The following MDGA2 variants were observed in gnomAD, a reference collection of about 807,000 sequenced individuals.
MDGA2 encodes the protein MAM domain-containing glycosylphosphatidylinositol anchor protein 2.
Under a neutral mutation model 117.8 loss-of-function variants are expected in MDGA2, and 40 were observed. The observed-to-expected ratio is 0.34, with a 90% CI of 0.26 to 0.44. MDGA2 has a LOEUF of 0.44. Among genes scored for constraint, MDGA2 ranks in the 20% least tolerant of loss-of-function variants. MDGA2 has a pLI of 1.00. For missense variants in MDGA2, 1,123 were observed against 1,250.6 expected (o/e 0.90, Z 1.54); for synonymous variants, 452 against 439.0 (o/e 1.03, Z -0.37).
intron 1 of MDGA2, among the ~76,000 whole-genome samples, chr14:47,390,797 C>T (rs1891876938): frequency 6.6e-6 from 1 of 152,078 alleles, no homozygotes; most frequent in Admixed American, 6.6e-5. Flanking sequence ...ATTTTATTTC[C>T]CTAACATCTG....
rs1441735872 is a variant in MDGA2 at position 47,674,848 on chromosome 14, G to GAC, written c.-54_-53dup. 6.8e-6 allele frequency: 4 copies of GAC among 592,362 alleles called. No individual in the cohort carries two copies. The highest frequency in any genetic ancestry group is 5.8e-5 in the South Asian group (3 of 51,410). 36.7% of individuals were successfully genotyped at this position (592,362 alleles called of 1,614,324 possible). A position where few individuals can be genotyped will look rare whatever the true frequency, so the allele number is the denominator to read the frequency against. On this transcript the variant is annotated 5_prime_UTR_variant, in exon 1 of 17. Transcript: ENST00000399232. ...ACACTCTCCCACAACACAATACCCT[G>GAC]ACACACACTCACACGCACGCCGCAC...
intron 9 of MDGA2, among the ~76,000 whole-genome samples, chr14:46,926,942 C>A (rs971974465): frequency 2.0e-5 from 3 of 152,082 alleles, no homozygotes; most frequent in African/African-American, 7.2e-5. Flanking sequence ...TGCTGATCAA[C>A]ATGTGTCTTC....
chr14:47,559,734 A>T (rs1015058075), intron 1 of MDGA2, among the ~76,000 whole-genome samples: 2 of 151,184 alleles, frequency 1.3e-5, no homozygotes, highest in African/African-American at 2.4e-5. Context: ...CACCACGCCC[A>T]GCTAATTTTT....
chr14:47,467,061 C>A (rs1893619505), intron 1 of MDGA2, among the ~76,000 whole-genome samples: 1 of 151,990 alleles, frequency 6.6e-6, no homozygotes, highest in African/African-American at 2.4e-5. Context: ...GAAGGTGCCA[C>A]TAAGGAAGTA....
At chr14:47,132,453 T>C (rs1566642830) in intron 4 of MDGA2, among the ~76,000 whole-genome samples, 1 of 151,972 alleles carries the variant, frequency 6.6e-6, no homozygotes, top group Non-Finnish European at 1.5e-5. Context: ...TTCTTGTTAT[T>C]TCATGTTCAA....
intron 8 of MDGA2, among the ~76,000 whole-genome samples, chr14:46,962,471 C>G (rs1387709523): frequency 6.6e-6 from 1 of 152,106 alleles, no homozygotes; most frequent in East Asian, 1.9e-4. Flanking sequence ...GTTCTGCACC[C>G]CTTGCCCAAA....
chr14:47,032,772 C>T (rs1888707878), intron 8 of MDGA2, among the ~76,000 whole-genome samples: 1 of 152,102 alleles, frequency 6.6e-6, no homozygotes, highest in Non-Finnish European at 1.5e-5. Flanking sequence ...GAGTTGTTAC[C>T]AGTTATTTGT....
intron 4 of MDGA2, among the ~76,000 whole-genome samples, chr14:47,136,276 GA>G: frequency 1.3e-5 from 2 of 148,966 alleles, no homozygotes; most frequent in East Asian, 4.0e-4. Context: ...TCGGCTCGCT[GA>G]AACTCTGCCT....
intron 1 of MDGA2, among the ~76,000 whole-genome samples, chr14:47,555,379 C>G (rs947352009): frequency 6.6e-6 from 1 of 152,040 alleles, no homozygotes; most frequent in Admixed American, 6.6e-5. Flanking sequence ...ACTGATGAAA[C>G]TGGACATAGA....
intron 1 of MDGA2, among the ~76,000 whole-genome samples, chr14:47,544,509 C>T (rs1448723785): frequency 2.6e-5 from 4 of 152,126 alleles, no homozygotes; most frequent in Admixed American, 2.0e-4. Context: ...ACTCCCCTCT[C>T]CAGCAAAGAT....
chr14:47,510,143 T>C (rs1325731874), intron 1 of MDGA2, among the ~76,000 whole-genome samples: 1 of 152,104 alleles, frequency 6.6e-6, no homozygotes, highest in African/African-American at 2.4e-5. Context: ...CCCTCCTGAA[T>C]GGGATTAGCA....
At chr14:47,096,819 G>C (rs534967565) in intron 6 of MDGA2, 35 bp downstream of exon 6, 2 of 1,602,720 alleles carry the variant, frequency 1.2e-6, no homozygotes, top group Non-Finnish European at 1.7e-6. Context: ...CCTAACCTAG[G>C]AATCTACGTT....
intron 9 of MDGA2, among the ~76,000 whole-genome samples, chr14:46,952,481 T>G (rs147254499): frequency 3.6e-4 from 55 of 152,122 alleles, no homozygotes; most frequent in African/African-American, 1.3e-3. Flanking sequence ...GTGAAATAAT[T>G]TTCTAGACTG....
chr14:46,866,604 A>T (rs543656248), intron 14 of MDGA2, among the ~76,000 whole-genome samples: 1 of 152,234 alleles, frequency 6.6e-6, no homozygotes, highest in Non-Finnish European at 1.5e-5. Flanking sequence ...GTGAACAGGC[A>T]ACCTACAAAA....
intron 1 of MDGA2, among the ~76,000 whole-genome samples, chr14:47,510,841 A>C (rs1894624046): frequency 6.6e-6 from 1 of 152,190 alleles, no homozygotes; most frequent in Admixed American, 6.5e-5. Flanking sequence ...CCTGCCTGAG[A>C]GACTTTGCAG....
At chr14:47,618,041 C>T (rs1437311062) in intron 1 of MDGA2, among the ~76,000 whole-genome samples, 5 of 152,152 alleles carry the variant, frequency 3.3e-5, no homozygotes, top group Non-Finnish European at 7.3e-5. Flanking sequence ...TAGCTACATC[C>T]TATCAGTGTT....
At chr14:47,112,719 T>C (rs1182662796) in intron 5 of MDGA2, among the ~76,000 whole-genome samples, 1 of 152,192 alleles carries the variant, frequency 6.6e-6, no homozygotes, top group Non-Finnish European at 1.5e-5. Context: ...CATATATCTT[T>C]ATAATAGAAT....
At chr14:47,163,986 TC>T (rs1883755211) in intron 3 of MDGA2, among the ~76,000 whole-genome samples, 1 of 152,198 alleles carries the variant, frequency 6.6e-6, no homozygotes, top group Non-Finnish European at 1.5e-5. Flanking sequence ...CTTCTCCATG[TC>T]ATCTAGCTCA....
intron 10 of MDGA2, among the ~76,000 whole-genome samples, chr14:46,888,024 T>C (rs564406873): frequency 7.2e-5 from 11 of 152,042 alleles, no homozygotes; most frequent in African/African-American, 1.7e-4. Flanking sequence ...TCTACTCAAG[T>C]AATTTTAGTC....
Sources: gnomAD v4.1 joint callset for allele counts (sites outside exome capture counted in the v4.1 genomes callset) on GRCh38, gnomAD v4.1.1 for gene constraint, MANE v1.5 for transcripts, NCBI Gene and HGNC (gene_info 2026-07-23, HGNC 2026-07-21) for gene names.